The following PCNX4 variants were observed in gnomAD, a reference collection of about 807,000 sequenced individuals.
PCNX4 encodes the protein pecanex 4.
In PCNX4, 103 loss-of-function variants were observed where a neutral mutation model predicts 107.2. That is an observed-to-expected ratio of 0.96 (90% CI 0.82 to 1.13). The LOEUF (loss-of-function observed/expected upper bound fraction) is 1.13. Among genes scored for constraint, PCNX4 ranks in the 50% most tolerant of loss-of-function variants. The pLI is 0.00. For synonymous variants in PCNX4, 541 were observed against 481.7 expected (o/e 1.12, Z -1.61); for missense variants, 1,528 against 1,379.4 (o/e 1.11, Z -1.71).
chr14:60,113,138 G>A (rs542698672), intron 2 of PCNX4, among the ~76,000 whole-genome samples: 2 of 152,252 alleles, frequency 1.3e-5, no homozygotes, highest in African/African-American at 2.4e-5. Context: ...CCGAGATTGC[G>A]CCACTGCACT....
intron 1 of PCNX4, among the ~76,000 whole-genome samples, chr14:60,098,401 A>G (rs904235311): frequency 1.5e-4 from 23 of 152,328 alleles, no homozygotes; most frequent in African/African-American, 5.5e-4. Context: ...CTGTTGAGCC[A>G]CTTTGTATTT....
intron 10 of PCNX4, 160 bp from the exon 11 acceptor site, chr14:60,133,810 C>G: frequency 1.4e-6 from 1 of 709,302 alleles, no homozygotes; most frequent in Non-Finnish European, 2.3e-6. Flanking sequence ...TGAATACAGG[C>G]AACTTGTGTA....
At chr14:60,094,447 T>G (rs148099886) in intron 1 of PCNX4, among the ~76,000 whole-genome samples, 46 of 152,218 alleles carry the variant, frequency 3.0e-4, no homozygotes, top group Non-Finnish European at 5.3e-4. Flanking sequence ...AGTGACACAT[T>G]CCAGGCGAGT....
chr14:60,130,099 A>T (rs1381170930), intron 10 of PCNX4, among the ~76,000 whole-genome samples: 1 of 152,018 alleles, frequency 6.6e-6, no homozygotes, highest in Non-Finnish European at 1.5e-5. Flanking sequence ...GCACTTTGGG[A>T]GGCCAAGGCA....
At chr14:60,119,299 A>G (rs1309768763) in intron 7 of PCNX4, among the ~76,000 whole-genome samples, 1 of 152,190 alleles carries the variant, frequency 6.6e-6, no homozygotes, top group Non-Finnish European at 1.5e-5. Flanking sequence ...CTTTTGTCAA[A>G]CACTAACTGT....
At chr14:60,106,986 T>G (rs1049107875) in intron 1 of PCNX4, among the ~76,000 whole-genome samples, 1 of 152,220 alleles carries the variant, frequency 6.6e-6, no homozygotes, top group Admixed American at 6.5e-5. Context: ...TTGAAAGTAT[T>G]GGCATTTTGA....
intron 7 of PCNX4, among the ~76,000 whole-genome samples, chr14:60,119,919 T>C (rs145009256): frequency 2.3e-3 from 352 of 152,314 alleles, no homozygotes; most frequent in African/African-American, 7.9e-3. Context: ...AATGTAAATT[T>C]GTACAACCAC....
rs527618510 is a variant in PCNX4, at chr14:60,127,785, G to T, written c.3267+1962G>T. Among the ~76,000 whole-genome samples, 5 of 152,186 alleles carry T rather than the reference G, an allele frequency of 3.3e-5. No homozygotes were observed. The South Asian group carries it at 1.0e-3, about 31-fold the overall frequency. On this transcript the variant is annotated intron_variant, in intron 10 of 10. Transcript: ENST00000406854. The stretch of plus-strand genomic sequence containing the variant: ...AAAAAGCAGACAACCAGGCTTGCCT[G>T]TAAGAGGGAACAGATGTCAGATTTA...
chr14:60,125,130 A>C lies in PCNX4; in HGVS notation c.2959A>C (p.Asn987His), dbSNP rs753427461. The C allele has an allele frequency of 1.2e-6, 2 of 1,613,086 alleles. No homozygotes were observed. The highest frequency in any genetic ancestry group is 1.7e-6 in the Non-Finnish European group (2 of 1,179,412). ...TTATTTTAGTTTATTTGGAATAGACAATATGGCTCCTAGTCCTGGTCATAT... is the reference window on the plus strand; with the variant it reads ...TTATTTTAGTTTATTTGGAATAGACCATATGGCTCCTAGTCCTGGTCATAT... Reference protein sequence around the residue: ...TCYFSLFGIDNMAPSPGHILR... With the variant: ...TCYFSLFGIDHMAPSPGHILR... Residue 987 changes from asparagine (N) to histidine (H), a missense_variant, in exon 9 of 11, where the codon AAT becomes CAT. Physicochemically the swap from Asn to His is moderately conservative, Grantham distance 68 (BLOSUM62 1). Transcript: ENST00000406854.
chr14:60,115,006 C>T lies in PCNX4; in HGVS notation c.902C>T (p.Thr301Ile), dbSNP rs766369292. The T allele has an allele frequency of 1.2e-6, 2 of 1,606,394 alleles. No individual in the cohort carries two copies. Among genetic ancestry groups the T allele is most frequent in the African/African-American group, 1.3e-5 (1 of 74,572 alleles). The stretch of plus-strand genomic sequence containing the variant: ...GTAATGTTCATCATGTCTGCTGGAA[C>T]AGCTATAGCATCATATTTCATTCCA... Reference protein sequence around the residue: ...LLVMFIMSAGTAIASYFIPST... With the variant: ...LLVMFIMSAGIAIASYFIPST... The change falls in exon 4 of 11, where the codon ACA becomes ATA. Residue 301 changes from threonine (T) to isoleucine (I), a missense_variant. Thr to Ile is a moderately conservative substitution (Grantham distance 89). Coordinates refer to ENST00000406854, the MANE Select transcript of PCNX4 (RefSeq NM_001330177.2).
intron 1 of PCNX4, among the ~76,000 whole-genome samples, chr14:60,100,224 C>T (rs1186143553): frequency 6.6e-6 from 1 of 151,570 alleles, no homozygotes; most frequent in African/African-American, 2.4e-5. Flanking sequence ...GGACATGAGC[C>T]AATTTACAAA....
chr14:60,102,330 T>TAA (rs58955134), intron 1 of PCNX4, among the ~76,000 whole-genome samples: 1 of 13,502 alleles, frequency 7.4e-5, no homozygotes, highest in African/African-American at 9.6e-5. Context: ...TAAAAAAACT[T>TAA]CAATCACTAC....
chr14:60,121,326 G>T, intron 8 of PCNX4, 27 bp downstream of exon 8: 1 of 1,595,366 alleles, frequency 6.3e-7, no homozygotes, highest in Non-Finnish European at 8.5e-7. Context: ...AACATCTGTA[G>T]TATTTTTATA....
At chr14:60,123,867 T>C (rs1308788573) in intron 8 of PCNX4, among the ~76,000 whole-genome samples, 1 of 152,216 alleles carries the variant, frequency 6.6e-6, no homozygotes, top group Middle Eastern at 3.4e-3. Flanking sequence ...CTAATTTTGC[T>C]TTTTTTCTCC....
At chr14:60,110,093 G>A (rs1204643082) in intron 2 of PCNX4, 4 of 167,088 alleles carry the variant, frequency 2.4e-5, no homozygotes, top group Non-Finnish European at 5.9e-5. Flanking sequence ...ATTCTGAAGA[G>A]AACACCAAAA....
In PCNX4 at chr14:60,145,944, A is replaced by G. The variant is rs1896395286; in HGVS notation, c.*11723A>G. ...CAGACTAAAGAAGCAAATTCTAGTT[A>G]ACAAGTACTATTAGCTTGAAATAAG... On this transcript the variant is annotated 3_prime_UTR_variant, in exon 11 of 11. Coordinates refer to ENST00000406854, the MANE Select transcript of PCNX4 (RefSeq NM_001330177.2). This position sits in a 1 kb window ranked among gnomAD's most constrained non-coding sequence, Gnocchi z 4.0. The G allele has an allele frequency of 6.6e-6, 1 of 151,460 alleles. No homozygotes were observed. 9.4% of individuals were successfully genotyped at this position (151,460 alleles called of 1,614,324 possible).
chr14:60,135,037 G>A lies in PCNX4; in HGVS notation c.*816G>A, dbSNP rs1162244467. On this transcript the variant is annotated 3_prime_UTR_variant, in exon 11 of 11. Coordinates refer to ENST00000406854, the MANE Select transcript of PCNX4 (RefSeq NM_001330177.2). ...ATATGAACTAAAGTCAGAAGGAGAT[G>A]GAAGAAAATTTTTATAATACGATCT... 3 of 152,174 alleles carry A rather than the reference G, an allele frequency of 2.0e-5. No homozygotes were observed. The East Asian group carries it at 5.8e-4, about 29-fold the overall frequency. The allele number at this position is 152,174 out of a possible 1,614,324, so 9.4% of individuals were successfully genotyped here. A position where few individuals can be genotyped will look rare whatever the true frequency, so the allele number is the denominator to read the frequency against.
chr14:60,118,230 G>C, intron 6 of PCNX4, 99 bp from the exon 7 acceptor site: 2 of 1,311,966 alleles, frequency 1.5e-6, no homozygotes, highest in Non-Finnish European at 2.0e-6. Context: ...AAAATACTGG[G>C]GCAATAATAA....
chr14:60,146,347 C>G lies in PCNX4; in HGVS notation c.*12126C>G, dbSNP rs1398988929. ...TTCTGGAAGTACTACTACAGTGGGA[C>G]TGAAATTCTCTAGTCCCTGGTCCCT... On this transcript the variant is annotated 3_prime_UTR_variant, in exon 11 of 11. Coordinates refer to ENST00000406854, the MANE Select transcript of PCNX4 (RefSeq NM_001330177.2). The surrounding 1 kb of genome is among the most constrained non-coding windows in gnomAD (Gnocchi z 4.9). The G allele has an allele frequency of 6.6e-6, 1 of 151,936 alleles. No homozygotes were observed. Among genetic ancestry groups the G allele is most frequent in the African/African-American group, 2.4e-5 (1 of 41,364 alleles). 9.4% of individuals were successfully genotyped at this position (151,936 alleles called of 1,614,324 possible). A position where few individuals can be genotyped will look rare whatever the true frequency, so the allele number is the denominator to read the frequency against.
Sources: allele counts gnomAD v4.1 joint callset (sites outside exome capture counted in the v4.1 genomes callset), GRCh38; gene constraint gnomAD v4.1.1; non-coding constraint Gnocchi (gnomAD v3.1); transcripts MANE v1.5; gene names NCBI Gene and HGNC (gene_info 2026-07-23, HGNC 2026-07-21).